RALY: variants seen among roughly 807,000 people sequenced by gnomAD.
The protein encoded by RALY is RALY heterogeneous nuclear ribonucleoprotein.
In RALY, 15 loss-of-function variants were observed where a neutral mutation model predicts 30.7. The observed-to-expected ratio is 0.49, with a 90% CI of 0.33 to 0.75. The LOEUF is 0.75. Ranked by LOEUF, RALY falls within the 30% of genes least tolerant of loss-of-function variation. The pLI, the probability that RALY is intolerant of heterozygous loss-of-function variation, is 0.02. For missense variants in RALY, 339 were observed against 414.3 expected (o/e 0.82, Z 1.58); for synonymous variants, 177 against 170.8 (o/e 1.04, Z -0.28).
At chr20:34,021,916 TA>T (rs200864255) in intron 1 of RALY, among the ~76,000 whole-genome samples, 12 of 150,332 alleles carry the variant, frequency 8.0e-5, no homozygotes, top group East Asian at 1.9e-4. Flanking sequence ...TTTTTATTAT[TA>T]AAAAAAAATT....
intron 2 of RALY, among the ~76,000 whole-genome samples, chr20:34,039,468 C>A (rs769738590): frequency 2.6e-5 from 4 of 152,222 alleles, no homozygotes; most frequent in Non-Finnish European, 5.9e-5. Flanking sequence ...GCATTGTATT[C>A]TCCAAGTGCC....
At chr20:34,040,400 G>A (rs1422568824) in intron 2 of RALY, among the ~76,000 whole-genome samples, 5 of 152,178 alleles carry the variant, frequency 3.3e-5, no homozygotes, top group Admixed American at 3.3e-4. Context: ...CAATAACACA[G>A]CCCGTACTTG....
At chr20:34,035,306 A>G (rs1215033800) in intron 2 of RALY, among the ~76,000 whole-genome samples, 1 of 151,874 alleles carries the variant, frequency 6.6e-6, no homozygotes, top group Admixed American at 6.6e-5. Context: ...CGAAGGCTAG[A>G]GTTATCAGAA....
At chr20:34,078,180 T>G (rs1386190594) in intron 8 of RALY, among the ~76,000 whole-genome samples, 1 of 152,256 alleles carries the variant, frequency 6.6e-6, no homozygotes, top group Non-Finnish European at 1.5e-5. Context: ...AACAAAGACT[T>G]GGATGCCCCC....
At chr20:34,003,153 C>T (rs1462335609) in intron 1 of RALY, among the ~76,000 whole-genome samples, 2 of 152,146 alleles carry the variant, frequency 1.3e-5, no homozygotes, top group Non-Finnish European at 1.5e-5. Context: ...CTGTGTTGTG[C>T]TCCCGATTTC....
chr20:34,050,676 C>T (rs898600020), intron 2 of RALY, among the ~76,000 whole-genome samples: 3 of 152,244 alleles, frequency 2.0e-5, no homozygotes, highest in Admixed American at 6.5e-5. Context: ...ACCTCCCCCT[C>T]TTGCCATCCC....
intron 1 of RALY, among the ~76,000 whole-genome samples, chr20:33,999,900 C>T (rs1013611968): frequency 6.6e-6 from 1 of 152,014 alleles, no homozygotes; most frequent in Non-Finnish European, 1.5e-5. Context: ...CTAGATGACC[C>T]ATAAGGTCCC....
rs75046833 is a variant in RALY at position 34,012,227 on chromosome 20, G to T, written c.-93+18096G>T. Among the ~76,000 whole-genome samples, 104 of 152,324 alleles carry T rather than the reference G, an allele frequency of 6.8e-4. No homozygotes were observed. In the East Asian group the frequency reaches 0.019, roughly 29 times the overall value. ...AGGTGGTTGGGAGAGCTGGGCTAAG[G>T]CTTCTTGGTGCAGCCCTATCATCAT... On this transcript the variant is annotated intron_variant, in intron 1 of 9. Coordinates refer to ENST00000246194, the MANE Select transcript of RALY (RefSeq NM_016732.3).
At chr20:34,012,067 A>G (rs2031420942) in intron 1 of RALY, among the ~76,000 whole-genome samples, 1 of 146,898 alleles carries the variant, frequency 6.8e-6, no homozygotes, top group Admixed American at 6.8e-5. Flanking sequence ...CCCTGTCTCA[A>G]AAAAAAAAAA....
chr20:34,052,535 C>T (rs2033111237), intron 2 of RALY, among the ~76,000 whole-genome samples: 1 of 152,198 alleles, frequency 6.6e-6, no homozygotes, highest in Admixed American at 6.5e-5. Context: ...GAGGATCCTG[C>T]AAACCACTAA....
At chr20:34,026,374 TTTTATTTATTTATTTA>T (rs372397530) in intron 1 of RALY, among the ~76,000 whole-genome samples, 21 of 142,452 alleles carry the variant, frequency 1.5e-4, no homozygotes, top group South Asian at 2.3e-4. Flanking sequence ...ACCTCAGACA[TTTTATTTATTTATTTA>T]TTTATTTATT....
At chr20:34,004,415 C>G (rs754406320) in intron 1 of RALY, among the ~76,000 whole-genome samples, 66 of 152,194 alleles carry the variant, frequency 4.3e-4, no homozygotes, top group Middle Eastern at 3.2e-3. Flanking sequence ...ATGTGCTTCC[C>G]TTCCCCCCTT....
intron 2 of RALY, among the ~76,000 whole-genome samples, chr20:34,068,538 G>A (rs1479991853): frequency 6.6e-6 from 1 of 152,130 alleles, no homozygotes; most frequent in East Asian, 1.9e-4. Flanking sequence ...AACACTTACT[G>A]TGCCCCGAGT....
intron 2 of RALY, among the ~76,000 whole-genome samples, chr20:34,046,813 C>CTT (rs61495395): frequency 5.8e-3 from 419 of 72,726 alleles, no homozygotes; most frequent in Non-Finnish European, 7.9e-3. Context: ...GACCTCCACT[C>CTT]TTTTTTTTTT....
chr20:34,035,139 C>T (rs375878955), intron 2 of RALY, among the ~76,000 whole-genome samples: 108 of 110,378 alleles, frequency 9.8e-4, no homozygotes, highest in African/African-American at 3.0e-3. Flanking sequence ...GGCGACAGAG[C>T]GAGACTCCAT....
chr20:34,071,154 A>T (rs2033715044), intron 2 of RALY, among the ~76,000 whole-genome samples: 1 of 152,114 alleles, frequency 6.6e-6, no homozygotes, highest in African/African-American at 2.4e-5. Context: ...AGCACTGGGG[A>T]TTACAATTAG....
In RALY at chr20:34,047,406, T is replaced by G. The variant is rs532393842; in HGVS notation, c.-10+15802T>G. On this transcript the variant is annotated intron_variant, in intron 2 of 9. Coordinates refer to ENST00000246194, the MANE Select transcript of RALY (RefSeq NM_016732.3). ...TGATGGTGACTCTGCTTGGATTATCTTCTAGGGATGGAGGATTGCCAGCTC... is the reference window on the plus strand; with the variant it reads ...TGATGGTGACTCTGCTTGGATTATCGTCTAGGGATGGAGGATTGCCAGCTC... Among the ~76,000 whole-genome samples, 237 of 152,268 alleles carry G rather than the reference T, an allele frequency of 1.6e-3. 2 individuals are homozygous for G. The highest frequency in any genetic ancestry group is 5.2e-3 in the African/African-American group (217 of 41,554).
intron 1 of RALY, among the ~76,000 whole-genome samples, chr20:34,001,464 TTC>T (rs775241042): frequency 7.2e-5 from 11 of 152,182 alleles, no homozygotes; most frequent in Non-Finnish European, 1.5e-4. Context: ...CAAGTAAATA[TTC>T]TCTTTTAGAA....
intron 1 of RALY, among the ~76,000 whole-genome samples, chr20:34,009,354 TCA>T (rs1437062792): frequency 6.6e-6 from 1 of 152,060 alleles, no homozygotes; most frequent in Non-Finnish European, 1.5e-5. Context: ...TTCTCCTGTC[TCA>T]GTCTCCCAAC....
Sources: gnomAD v4.1 joint callset for allele counts (sites outside exome capture counted in the v4.1 genomes callset) on GRCh38, gnomAD v4.1.1 for gene constraint, MANE v1.5 for transcripts, NCBI Gene and HGNC (gene_info 2026-07-23, HGNC 2026-07-21) for gene names.